Variants in SBNO1 observed in about 807,000 individuals in gnomAD.
SBNO1 encodes protein strawberry notch homolog 1.
Under a neutral mutation model 173.6 loss-of-function variants are expected in SBNO1, and 23 were observed. That is an observed-to-expected ratio of 0.13 (90% CI 0.10 to 0.19). The LOEUF is 0.19. Ranked by LOEUF, SBNO1 falls within the 10% of genes least tolerant of loss-of-function variation. The pLI is 1.00. For missense variants in SBNO1, 1,238 were observed against 1,671.2 expected (o/e 0.74, Z 4.52); for synonymous variants, 632 against 571.5 (o/e 1.11, Z -1.51).
intron 24 of SBNO1, 141 bp downstream of exon 24, chr12:123,313,479 G>A (rs74789582): frequency 1.8e-6 from 1 of 545,252 alleles, no homozygotes; most frequent in Non-Finnish European, 3.3e-6. Flanking sequence ...ATAATTATGT[G>A]TCCTAGTAAC....
Position 123,327,783 on chromosome 12 carries a change from T to C in SBNO1, c.1462A>G (p.Met488Val). 1 of 1,613,930 alleles carries C rather than the reference T, an allele frequency of 6.2e-7. No individual in the cohort carries two copies. Among genetic ancestry groups the C allele is most frequent in the Non-Finnish European group, 8.5e-7 (1 of 1,179,950 alleles). ...GASEPRNMAY[M>V]NRLGIWGEGT... ...TCACCCCATATGCCAAGACGGTTCA[T>C]ATAGGCCATGTTGCGTGGTTCAGAA... The change falls in exon 12 of 32, where the codon ATG (methionine) becomes GTG (valine). Residue 488 changes from methionine to valine, a missense_variant. This residue lies in a region of SBNO1 where 182 missense variants were observed against 339.9 expected (regional missense o/e 0.54). Coordinates refer to ENST00000602398, the MANE Select transcript of SBNO1 (RefSeq NM_001167856.3).
chr12:123,295,888 T>C lies in SBNO1; in HGVS notation c.*20A>G, dbSNP rs1385767647. On this transcript the variant is annotated 3_prime_UTR_variant, in exon 32 of 32. Transcript: ENST00000602398. ...TTCAACAGCATTTCAGATCCATCCATGTTGAAACCTGTCTGTTCTTCATGC... is the reference window on the plus strand; with the variant it reads ...TTCAACAGCATTTCAGATCCATCCACGTTGAAACCTGTCTGTTCTTCATGC... 2 of 1,611,998 alleles carry C rather than the reference T, an allele frequency of 1.2e-6. No homozygotes were observed. The highest frequency in any genetic ancestry group is 2.2e-5 in the East Asian group (1 of 44,860).
At chr12:123,326,120 CAAA>C (rs775680265) in intron 14 of SBNO1, 29 bp downstream of exon 14, 4 of 1,520,966 alleles carry the variant, frequency 2.6e-6, no homozygotes, top group South Asian at 1.3e-5. Flanking sequence ...ACATAACCCC[CAAA>C]CAATCTCTTA....
At chr12:123,298,282 T>G (rs902934274) in intron 30 of SBNO1, 111 bp from the exon 31 acceptor site, 53 of 1,121,616 alleles carry the variant, frequency 4.7e-5, no homozygotes, top group Non-Finnish European at 5.0e-5. Context: ...TTTTTTTTTG[T>G]TGAGATGGAG....
chr12:123,332,354 C>T (rs1871317962), intron 7 of SBNO1, among the ~76,000 whole-genome samples: 1 of 152,068 alleles, frequency 6.6e-6, no homozygotes, highest in African/African-American at 2.4e-5. Flanking sequence ...TGCAATGGCA[C>T]AATCTCGGCT....
intron 31 of SBNO1, 128 bp from the exon 32 acceptor site, chr12:123,296,178 G>A (rs1404376293): frequency 3.3e-6 from 2 of 607,690 alleles, no homozygotes; most frequent in African/African-American, 1.8e-5. Flanking sequence ...AAAATTAAAC[G>A]ACTACCTAAT....
chr12:123,309,825 T>C lies in SBNO1; in HGVS notation c.3327A>G (p.Arg1109=). The change falls in exon 26 of 32, where the codon AGA becomes AGG. Residue 1109 remains arginine, a synonymous_variant. Coordinates refer to ENST00000602398, the MANE Select transcript of SBNO1 (RefSeq NM_001167856.3). The part of the protein sequence containing the change: ...DYNNIGKFLN[R]ILGMEVHQQN... ...GCTGATGCACCTCCATGCCTAAAAT[T>C]CTATTTAAGAATTTTCCTATGTTGT... 1 of 1,606,708 alleles carries C rather than the reference T, an allele frequency of 6.2e-7. No individual in the cohort carries two copies. The highest frequency in any genetic ancestry group is 8.5e-7 in the Non-Finnish European group (1 of 1,176,406).
At chr12:123,301,609 G>C (rs1039054032) in intron 30 of SBNO1, among the ~76,000 whole-genome samples, 8 of 152,222 alleles carry the variant, frequency 5.3e-5, no homozygotes, top group African/African-American at 1.9e-4. Context: ...AGTGAACACT[G>C]TAAGCCAAGG....
At chr12:123,299,901 A>G (rs2048730185) in intron 30 of SBNO1, among the ~76,000 whole-genome samples, 1 of 151,884 alleles carries the variant, frequency 6.6e-6, no homozygotes, top group South Asian at 2.1e-4. Context: ...AAAAGAAAAG[A>G]AGGAGGGGGG....
In SBNO1 at chr12:123,313,597, T is replaced by G. The variant is rs200596788; in HGVS notation, c.3220+23A>C. On this transcript the variant is annotated intron_variant, in intron 24 of 31. Transcript: ENST00000602398. ...TCTTTGTCAATAATCATTGTCATTGTTATGAATATTTGTAGAAGTTACCTT... is the reference window on the plus strand; with the variant it reads ...TCTTTGTCAATAATCATTGTCATTGGTATGAATATTTGTAGAAGTTACCTT... 8.9e-5 allele frequency: 105 copies of G among 1,176,962 alleles called. No homozygotes were observed. In the African/African-American group the frequency reaches 1.4e-3, roughly 15 times the overall value. The allele number at this position is 1,176,962 out of a possible 1,614,324, so 72.9% of individuals were successfully genotyped here.
intron 23 of SBNO1, among the ~76,000 whole-genome samples, chr12:123,314,591 G>A (rs762482793): frequency 4.0e-5 from 6 of 151,882 alleles, no homozygotes; most frequent in Non-Finnish European, 7.4e-5. Context: ...GTCTCCCAAA[G>A]TGCTGGATTA....
intron 2 of SBNO1, 127 bp downstream of exon 2, chr12:123,350,183 G>A: frequency 9.6e-7 from 1 of 1,043,592 alleles, no homozygotes; most frequent in South Asian, 1.6e-5. Flanking sequence ...GAGCCTGGGA[G>A]GTTGAGGCTT....
chr12:123,330,466 A>T lies in SBNO1; in HGVS notation c.1087T>A (p.Leu363Ile). Residue 363 changes from leucine to isoleucine, a missense_variant, in exon 9 of 32, where the codon TTA (leucine) becomes ATA (isoleucine). By Grantham distance (5) the Leu-to-Ile change is conservative. Coordinates refer to ENST00000602398, the MANE Select transcript of SBNO1 (RefSeq NM_001167856.3). ...ATGTTTTTTGCTCCAATATCCCTTA[A>T]ATCTCTTTCAGCATCATACTTTAAG... ...NDLKYDAERDLRDIGAKNILV... is the reference protein window; with the variant it reads ...NDLKYDAERDIRDIGAKNILV... The T allele has an allele frequency of 1.2e-6, 2 of 1,605,894 alleles. No homozygotes were observed. The highest frequency in any genetic ancestry group is 1.7e-6 in the Non-Finnish European group (2 of 1,176,362).
rs746968687 is a variant in SBNO1, at chr12:123,295,984, T to C, written c.4106A>G (p.Gln1369Arg). 1 of 1,614,016 alleles carries C rather than the reference T, an allele frequency of 6.2e-7. No homozygotes were observed. Among genetic ancestry groups the C allele is most frequent in the Non-Finnish European group, 8.5e-7 (1 of 1,179,870 alleles). ...CTGTTTCTGTTGGACCGCAAGCTGTTGAGACTGGTCTGAAGTTGATAGGAG... is the reference window on the plus strand; with the variant it reads ...CTGTTTCTGTTGGACCGCAAGCTGTCGAGACTGGTCTGAAGTTGATAGGAG... Reference protein sequence around the residue: ...VNLLSTSDQSQQLAVQQKQLW... With the variant: ...VNLLSTSDQSRQLAVQQKQLW... Residue 1369 changes from glutamine (Q) to arginine (R), a missense_variant, in exon 32 of 32, where the codon CAA (glutamine) becomes CGA (arginine). Gln to Arg is a conservative substitution (Grantham distance 43). Coordinates refer to ENST00000602398, the MANE Select transcript of SBNO1 (RefSeq NM_001167856.3).
At chr12:123,316,525 G>T (rs1023179321) in intron 21 of SBNO1, among the ~76,000 whole-genome samples, 10 of 150,888 alleles carry the variant, frequency 6.6e-5, no homozygotes, top group African/African-American at 1.9e-4. Context: ...CGCCCAGCCT[G>T]TTTTTGTTTT....
At chr12:123,355,119 C>T (rs1410214888) in intron 1 of SBNO1, among the ~76,000 whole-genome samples, 1 of 152,034 alleles carries the variant, frequency 6.6e-6, no homozygotes, top group African/African-American at 2.4e-5. Flanking sequence ...CTCCCAAGTT[C>T]AAGCAATTCT....
At chr12:123,318,897 C>T (rs1869625367) in intron 20 of SBNO1, among the ~76,000 whole-genome samples, 2 of 150,678 alleles carry the variant, frequency 1.3e-5, no homozygotes, top group Admixed American at 6.6e-5. Context: ...AATATGGACA[C>T]ACATAAATAT....
chr12:123,321,959 C>T (rs1292233953), intron 16 of SBNO1, among the ~76,000 whole-genome samples: 1 of 152,154 alleles, frequency 6.6e-6, no homozygotes, highest in Non-Finnish European at 1.5e-5. Context: ...TACAAAAGTA[C>T]TAAGTCAAGA....
intron 17 of SBNO1, 52 bp downstream of exon 17, chr12:123,321,483 A>G (rs1376062008): frequency 7.7e-7 from 1 of 1,304,192 alleles, no homozygotes. Flanking sequence ...CCCATTTTCA[A>G]ATATACTGAA....
Sources: gnomAD v4.1 joint callset for allele counts (sites outside exome capture counted in the v4.1 genomes callset) on GRCh38, gnomAD v4.1.1 for gene constraint, gnomAD v4.1.1 regional missense constraint, MANE v1.5 for transcripts, NCBI Gene and HGNC (gene_info 2026-07-23, HGNC 2026-07-21) for gene names.